The following CPNE4 variants were observed in gnomAD, a reference collection of about 807,000 sequenced individuals.
The protein encoded by CPNE4 is copine 4, also known as copine-4.
A neutral mutation model predicts 67.9 loss-of-function variants in CPNE4; 25 were observed. That is an observed-to-expected ratio of 0.37 (90% CI 0.27 to 0.51). The LOEUF is 0.51. Among genes scored for constraint, CPNE4 ranks in the 20% least tolerant of loss-of-function variants. The probability of loss-of-function intolerance (pLI) is 0.93; values close to 1 mark genes in which losing one functional copy is unlikely to be tolerated. For missense variants in CPNE4, 464 were observed against 690.8 expected (o/e 0.67, Z 3.68); for synonymous variants, 242 against 244.9 (o/e 0.99, Z 0.11).
chr3:131,723,356 G>T (rs531139516), intron 3 of CPNE4, 90 bp downstream of exon 3: 24 of 1,175,456 alleles, frequency 2.0e-5, no homozygotes, highest in Non-Finnish European at 2.9e-5. Context: ...ATAGGAAAAA[G>T]CAAGGATTAG....
In CPNE4 at chr3:131,544,223, A is replaced by T. The variant is rs78140660; in HGVS notation, c.1303-1430T>A. Reference sequence around the variant, plus strand: ...GAGTGAGATTAAGCCATTCCACGTTACCATACTTCAAAGGAGAAAGATTGG... The same window carrying T: ...GAGTGAGATTAAGCCATTCCACGTTTCCATACTTCAAAGGAGAAAGATTGG... On this transcript the variant is annotated intron_variant, in intron 14 of 15. Transcript: ENST00000429747. Among the ~76,000 whole-genome samples, 1,508 of 152,328 alleles carry T rather than the reference A, an allele frequency of 9.9e-3. 27 individuals carry two copies. The highest frequency in any genetic ancestry group is 0.035 in the African/African-American group (1,446 of 41,570).
intron 6 of CPNE4, among the ~76,000 whole-genome samples, chr3:131,678,056 T>C (rs2080633069): frequency 1.3e-5 from 2 of 152,244 alleles, no homozygotes; most frequent in Non-Finnish European, 2.9e-5. Flanking sequence ...ATTATTCCTA[T>C]GCATGAGCAT....
intron 12 of CPNE4, among the ~76,000 whole-genome samples, chr3:131,552,748 TA>T (rs996828594): frequency 3.9e-5 from 6 of 152,014 alleles, no homozygotes; most frequent in Non-Finnish European, 7.4e-5. Context: ...ATAAGGCTTA[TA>T]AAAAAATCCA....
In CPNE4 at chr3:131,535,193, G is replaced by A; in HGVS notation, c.*2C>T. 6.2e-7 allele frequency: 1 copy of A among 1,607,972 alleles called. No homozygotes were observed. The highest frequency in any genetic ancestry group is 8.5e-7 in the Non-Finnish European group (1 of 1,177,642). On this transcript the variant is annotated 3_prime_UTR_variant, in exon 16 of 16. Coordinates refer to ENST00000429747, the MANE Select transcript of CPNE4 (RefSeq NM_130808.3). ...AGAACTCTGTAAAACTGTGTGGGGAGTTCATGGTGCTAGTGTTCTGGAAGA... is the reference window on the plus strand; with the variant it reads ...AGAACTCTGTAAAACTGTGTGGGGAATTCATGGTGCTAGTGTTCTGGAAGA...
chr3:131,678,552 G>C (rs1158102076), intron 6 of CPNE4, among the ~76,000 whole-genome samples: 1 of 152,076 alleles, frequency 6.6e-6, no homozygotes, highest in Non-Finnish European at 1.5e-5. Flanking sequence ...TTCCCATTCA[G>C]TATGATGTTG....
chr3:131,540,100 A>G (rs1935389639), intron 15 of CPNE4, among the ~76,000 whole-genome samples: 1 of 152,200 alleles, frequency 6.6e-6, no homozygotes, highest in African/African-American at 2.4e-5. Flanking sequence ...AGGATGGCAT[A>G]TAACAACACA....
At chr3:131,707,134 G>A (rs1213379157) in intron 3 of CPNE4, among the ~76,000 whole-genome samples, 2 of 152,164 alleles carry the variant, frequency 1.3e-5, no homozygotes, top group Admixed American at 1.3e-4. Flanking sequence ...ACTTGCTAGG[G>A]CCTCCATAAC....
intron 2 of CPNE4, among the ~76,000 whole-genome samples, chr3:131,746,637 G>GAA: frequency 6.6e-6 from 1 of 152,052 alleles, no homozygotes; most frequent in East Asian, 1.9e-4. Flanking sequence ...ATTCCATTGT[G>GAA]TATATATAGC....
At chr3:131,607,682 A>G (rs1283235344) in intron 7 of CPNE4, among the ~76,000 whole-genome samples, 1 of 152,212 alleles carries the variant, frequency 6.6e-6, no homozygotes, top group Non-Finnish European at 1.5e-5. Context: ...TTAAAAGTTC[A>G]TTTCAAAGAG....
chr3:131,549,549 T>C (rs889168177), intron 14 of CPNE4, among the ~76,000 whole-genome samples: 1 of 152,182 alleles, frequency 6.6e-6, no homozygotes, highest in Non-Finnish European at 1.5e-5. Context: ...TCATCCATTG[T>C]TTTACTTCCA....
chr3:131,673,105 A>T (rs1003713015), intron 6 of CPNE4, among the ~76,000 whole-genome samples: 5 of 152,062 alleles, frequency 3.3e-5, no homozygotes, highest in Non-Finnish European at 5.9e-5. Flanking sequence ...TATCCTTTCC[A>T]TAATGTCTGT....
chr3:131,770,411 C>T (rs2083136365), intron 2 of CPNE4, among the ~76,000 whole-genome samples: 1 of 152,228 alleles, frequency 6.6e-6, no homozygotes, highest in African/African-American at 2.4e-5. Context: ...GGTATAGTGA[C>T]TTCCCTTTCT....
chr3:131,598,610 G>A (rs571182902), intron 7 of CPNE4, among the ~76,000 whole-genome samples: 1 of 152,236 alleles, frequency 6.6e-6, no homozygotes, highest in African/African-American at 2.4e-5. Context: ...AAAACACAGA[G>A]CTAGCAAGAA....
chr3:131,681,199 A>G (rs555823814), intron 6 of CPNE4, among the ~76,000 whole-genome samples: 1 of 152,244 alleles, frequency 6.6e-6, no homozygotes, highest in Non-Finnish European at 1.5e-5. Context: ...GAGCATTATA[A>G]TATTCTGTGT....
intron 7 of CPNE4, among the ~76,000 whole-genome samples, chr3:131,621,539 C>A (rs535212141): frequency 6.6e-6 from 1 of 152,282 alleles, no homozygotes. Flanking sequence ...AGCCACCATG[C>A]CCAGCCCTCT....
chr3:131,977,924 A>G (rs2072711333), intron 1 of CPNE4, among the ~76,000 whole-genome samples: 1 of 150,348 alleles, frequency 6.7e-6, no homozygotes, highest in Admixed American at 6.7e-5. Context: ...CAGTGAGAAC[A>G]TACGATGTTT....
intron 1 of CPNE4, among the ~76,000 whole-genome samples, chr3:131,987,193 A>G (rs1286548632): frequency 6.6e-6 from 1 of 152,248 alleles, no homozygotes; most frequent in Non-Finnish European, 1.5e-5. Context: ...CAAGAACATG[A>G]AAAGCTAATA....
intron 7 of CPNE4, among the ~76,000 whole-genome samples, chr3:131,647,611 G>C (rs1233127633): frequency 6.6e-6 from 1 of 152,200 alleles, no homozygotes; most frequent in African/African-American, 2.4e-5. Context: ...TTAGCAAAAA[G>C]CATGGACTTT....
At chr3:131,845,941 G>A (rs1471131637) in intron 2 of CPNE4, among the ~76,000 whole-genome samples, 1 of 152,096 alleles carries the variant, frequency 6.6e-6, no homozygotes, top group African/African-American at 2.4e-5. Flanking sequence ...ACTGAAATGG[G>A]GTAAACATTG....
Sources: allele counts gnomAD v4.1 joint callset (sites outside exome capture counted in the v4.1 genomes callset), GRCh38; gene constraint gnomAD v4.1.1; transcripts MANE v1.5; gene names NCBI Gene and HGNC (gene_info 2026-07-23, HGNC 2026-07-21).